The following CDH12 variants were observed in gnomAD, a reference collection of about 807,000 sequenced individuals.
CDH12 encodes cadherin 12, also known as cadherin-12.
A neutral mutation model predicts 74.1 loss-of-function variants in CDH12; 41 were observed. The ratio of observed to expected loss-of-function variants is 0.55; its 90% confidence interval spans 0.43 to 0.72. The LOEUF (loss-of-function observed/expected upper bound fraction) is 0.72, where lower values mean the gene tolerates loss of function less well. Among genes scored for constraint, CDH12 ranks in the 30% least tolerant of loss-of-function variants. The probability of loss-of-function intolerance (pLI) is 0.00; values close to 1 mark genes in which losing one functional copy is unlikely to be tolerated. For synonymous variants in CDH12, 399 were observed against 355.0 expected (o/e 1.12, Z -1.39); for missense variants, 945 against 977.2 (o/e 0.97, Z 0.44).
At chr5:22,557,422 G>T (rs1045337383) in intron 1 of CDH12, among the ~76,000 whole-genome samples, 1 of 152,032 alleles carries the variant, frequency 6.6e-6, no homozygotes, top group African/African-American at 2.4e-5. Flanking sequence ...TTGAGCAACG[G>T]ATACAATTTT....
chr5:22,269,984 A>T (rs528956499), intron 3 of CDH12, among the ~76,000 whole-genome samples: 36 of 152,326 alleles, frequency 2.4e-4, no homozygotes, highest in Non-Finnish European at 3.4e-4. Flanking sequence ...TTTGATATGG[A>T]TAATTACATA....
At chr5:22,178,863 G>T (rs1226024861) in intron 4 of CDH12, among the ~76,000 whole-genome samples, 2 of 152,358 alleles carry the variant, frequency 1.3e-5, no homozygotes, top group East Asian at 3.9e-4. Context: ...GGAATATATT[G>T]CACTTTAATA....
At chr5:22,457,126 G>A (rs1412367862) in intron 2 of CDH12, among the ~76,000 whole-genome samples, 2 of 152,146 alleles carry the variant, frequency 1.3e-5, no homozygotes, top group African/African-American at 4.8e-5. Context: ...ATAAAGCTGA[G>A]CCATTTTTAT....
intron 5 of CDH12, among the ~76,000 whole-genome samples, chr5:22,015,985 T>C (rs180851045): frequency 3.3e-4 from 50 of 151,842 alleles, no homozygotes; most frequent in Middle Eastern, 3.4e-3. Context: ...AAATCTGTTA[T>C]CATCTTATTA....
At chr5:22,603,320 T>C (rs1736937663) in intron 1 of CDH12, among the ~76,000 whole-genome samples, 1 of 152,160 alleles carries the variant, frequency 6.6e-6, no homozygotes, top group African/African-American at 2.4e-5. Context: ...TTGGTAAAAA[T>C]GAGATGTTGA....
intron 5 of CDH12, among the ~76,000 whole-genome samples, chr5:22,063,856 G>A (rs1354903254): frequency 1.3e-5 from 2 of 152,068 alleles, no homozygotes; most frequent in African/African-American, 2.4e-5. Context: ...TGCCTTTGGG[G>A]TTTGGAACTC....
At chr5:22,322,663 G>T (rs1205429054) in intron 3 of CDH12, among the ~76,000 whole-genome samples, 2 of 152,138 alleles carry the variant, frequency 1.3e-5, no homozygotes, top group Non-Finnish European at 2.9e-5. Context: ...TAAATAATTT[G>T]AAATCAGATT....
chr5:21,986,883 A>G (rs1757539501), intron 5 of CDH12, among the ~76,000 whole-genome samples: 1 of 152,066 alleles, frequency 6.6e-6, no homozygotes, highest in African/African-American at 2.4e-5. Context: ...GTTTTATTTA[A>G]TTTTGACTAA....
At chr5:22,657,055 T>C (rs180906752) in intron 1 of CDH12, among the ~76,000 whole-genome samples, 1 of 152,248 alleles carries the variant, frequency 6.6e-6, no homozygotes, top group Admixed American at 6.5e-5. Context: ...CCCACATTTT[T>C]ATATTCAGAA....
At chr5:22,149,756 G>A (rs1580325254) in intron 4 of CDH12, among the ~76,000 whole-genome samples, 1 of 151,984 alleles carries the variant, frequency 6.6e-6, no homozygotes. Flanking sequence ...ACAGGCGTGA[G>A]CCACCACGTC....
chr5:22,110,561 C>A (rs1286387031), intron 4 of CDH12, among the ~76,000 whole-genome samples: 1 of 152,004 alleles, frequency 6.6e-6, no homozygotes, highest in African/African-American at 2.4e-5. Context: ...CTCCTGTGCT[C>A]TTCCTTGCTT....
chr5:22,233,589 TGA>T (rs1430268189), intron 3 of CDH12, among the ~76,000 whole-genome samples: 2 of 152,166 alleles, frequency 1.3e-5, no homozygotes, highest in Admixed American at 6.5e-5. Flanking sequence ...AATATTAATG[TGA>T]GTGATCAAAC....
chr5:22,694,575 T>A (rs2126948554), intron 1 of CDH12, among the ~76,000 whole-genome samples: 1 of 152,238 alleles, frequency 6.6e-6, no homozygotes, highest in East Asian at 1.9e-4. Flanking sequence ...CTTATAAATT[T>A]TTTTACAAGA....
chr5:21,760,411 C>T, intron 13 of CDH12, 147 bp downstream of exon 13: 2 of 593,578 alleles, frequency 3.4e-6, no homozygotes, highest in South Asian at 4.3e-5. Flanking sequence ...ATTTAATTTA[C>T]TACTAGGTAC....
rs146190873 is a variant in CDH12, at chr5:21,995,279, G to A, written c.232-19894C>T. Among the ~76,000 whole-genome samples, 8 of 151,600 alleles carry A rather than the reference G, an allele frequency of 5.3e-5. No individual in the cohort carries two copies. In the East Asian group the frequency reaches 1.6e-3, roughly 30 times the overall value. ...CAAACTTATGAAGGAGGGAAGTCTG[G>A]GCTGTTGATCTAGTGTGTAGTGAGC... On this transcript the variant is annotated intron_variant, in intron 5 of 14. Transcript: ENST00000382254.
chr5:22,842,127 A>G (rs1032273313), intron 1 of CDH12, among the ~76,000 whole-genome samples: 1 of 152,194 alleles, frequency 6.6e-6, no homozygotes, highest in Non-Finnish European at 1.5e-5. Flanking sequence ...GCATCCATGG[A>G]ACTAGTACTG....
intron 1 of CDH12, among the ~76,000 whole-genome samples, chr5:22,621,277 A>C (rs1737958072): frequency 6.6e-6 from 1 of 152,152 alleles, no homozygotes; most frequent in African/African-American, 2.4e-5. Flanking sequence ...CTGTAAGCTA[A>C]TCAATCACAC....
chr5:22,740,646 G>C (rs1394532148), intron 1 of CDH12, among the ~76,000 whole-genome samples: 1 of 151,802 alleles, frequency 6.6e-6, no homozygotes, highest in East Asian at 1.9e-4. Flanking sequence ...TTCTAAATGA[G>C]GAAAAGACAT....
rs553462940 is a variant in CDH12, at chr5:21,898,243, C to A, written c.527-43453G>T. Among the ~76,000 whole-genome samples, 92 of 151,858 alleles carry A rather than the reference C, an allele frequency of 6.1e-4. 1 individual carries two copies. Among genetic ancestry groups the A allele is most frequent in the African/African-American group, 2.2e-3 (91 of 41,432 alleles). ...TAATATTTTATTTTATTTTTAGAGACAGGGTCTCACTCTGTGAGACCAGGA... is the reference window on the plus strand; with the variant it reads ...TAATATTTTATTTTATTTTTAGAGAAAGGGTCTCACTCTGTGAGACCAGGA... On this transcript the variant is annotated intron_variant, in intron 6 of 14. Transcript: ENST00000382254.
Sources: allele counts gnomAD v4.1 joint callset (sites outside exome capture counted in the v4.1 genomes callset), GRCh38; gene constraint gnomAD v4.1.1; transcripts MANE v1.5; gene names NCBI Gene and HGNC (gene_info 2026-07-23, HGNC 2026-07-21).